CD2AP: variants seen among roughly 807,000 people sequenced by gnomAD.
CD2AP encodes CD2-associated protein.
In CD2AP, 46 loss-of-function variants were observed where a neutral mutation model predicts 85.1. The observed-to-expected ratio is 0.54, with a 90% CI of 0.43 to 0.69. The LOEUF (loss-of-function observed/expected upper bound fraction) is 0.69, where lower values mean the gene tolerates loss of function less well. Ranked by LOEUF, CD2AP falls within the 30% of genes least tolerant of loss-of-function variation. CD2AP has a pLI of 0.00. For synonymous variants in CD2AP, 255 were observed against 252.9 expected (o/e 1.01, Z -0.08); for missense variants, 769 against 729.5 (o/e 1.05, Z -0.62).
At chr6:47,489,921 A>G (rs979479768) in intron 1 of CD2AP, among the ~76,000 whole-genome samples, 1 of 152,038 alleles carries the variant, frequency 6.6e-6, no homozygotes, top group Non-Finnish European at 1.5e-5. Context: ...ATCTTCTAAA[A>G]ACTGTGGATT....
intron 1 of CD2AP, among the ~76,000 whole-genome samples, chr6:47,486,207 C>A (rs1379264812): frequency 1.3e-5 from 2 of 152,064 alleles, no homozygotes; most frequent in Non-Finnish European, 2.9e-5. Flanking sequence ...AGTTTTGGTG[C>A]CTTGAGTAGT....
chr6:47,525,411 A>C (rs1027512257), intron 2 of CD2AP, among the ~76,000 whole-genome samples: 6 of 152,260 alleles, frequency 3.9e-5, no homozygotes, highest in Admixed American at 1.3e-4. Flanking sequence ...TTTGGTGACT[A>C]GGTAACCTGC....
Position 47,606,274 on chromosome 6 carries a change from T to C in CD2AP, c.1527T>C (p.His509=), listed in dbSNP as rs776641440. 2.0e-6 allele frequency: 3 copies of C among 1,534,848 alleles called. No individual in the cohort carries two copies. Among genetic ancestry groups the C allele is most frequent in the African/African-American group, 2.7e-5 (2 of 73,298 alleles). Reference sequence around the variant, plus strand: ...TGCCGGGCCGTTTCAATGGTGGACATTCTGTGAGTTCATCTAATTGTCGTA... The same window carrying C: ...TGCCGGGCCGTTTCAATGGTGGACACTCTGTGAGTTCATCTAATTGTCGTA... ...RRLPGRFNGG[H]SPTHSPEKIL... is the part of the protein sequence containing the mutation. Residue 509 remains histidine (H), a synonymous_variant, in exon 14 of 18, where the codon CAT becomes CAC. Transcript: ENST00000359314.
intron 8 of CD2AP, 146 bp from the exon 9 acceptor site, chr6:47,579,239 T>A (rs918048154): frequency 1.3e-5 from 8 of 615,552 alleles, no homozygotes; most frequent in Non-Finnish European, 1.7e-5. Context: ...GGAGGCTGAG[T>A]TGGGAGGATC....
chr6:47,529,192 C>A (rs957814843), intron 2 of CD2AP, among the ~76,000 whole-genome samples: 18 of 114,516 alleles, frequency 1.6e-4, no homozygotes, highest in Non-Finnish European at 2.6e-4. Flanking sequence ...TGCCCCCCCC[C>A]CCCCCCCCAA....
At chr6:47,602,937 A>T (rs577997907) in intron 13 of CD2AP, among the ~76,000 whole-genome samples, 1 of 152,006 alleles carries the variant, frequency 6.6e-6, no homozygotes, top group East Asian at 1.9e-4. Flanking sequence ...AAAGAAACAC[A>T]TTATTCGATG....
At chr6:47,480,450 G>T (rs1030748219) in intron 1 of CD2AP, among the ~76,000 whole-genome samples, 1 of 152,124 alleles carries the variant, frequency 6.6e-6, no homozygotes, top group Non-Finnish European at 1.5e-5. Context: ...CCTATTAAAT[G>T]GTGGTTCTTA....
In CD2AP at chr6:47,577,079, G is replaced by A; in HGVS notation, c.879G>A (p.Gly293=). Residue 293 remains glycine, a synonymous_variant, in exon 8 of 18, where the codon GGG becomes GGA. Coordinates refer to ENST00000359314, the MANE Select transcript of CD2AP (RefSeq NM_012120.3). ...TNEDELTFKE[G]EIIHLISKET... is the part of the protein sequence containing the mutation. The stretch of plus-strand genomic sequence containing the variant: ...AAGATGAACTTACTTTTAAAGAGGG[G>A]GAGATAATCCATTTGATAAGTAAGG... The A allele has an allele frequency of 6.6e-7, 1 of 1,522,610 alleles. No homozygotes were observed. Among genetic ancestry groups the A allele is most frequent in the Non-Finnish European group, 9.1e-7 (1 of 1,097,166 alleles). The allele number at this position is 1,522,610 out of a possible 1,614,324, so 94.3% of individuals were successfully genotyped here.
At chr6:47,520,215 G>A (rs1766550024) in intron 2 of CD2AP, among the ~76,000 whole-genome samples, 1 of 152,084 alleles carries the variant, frequency 6.6e-6, no homozygotes, top group South Asian at 2.1e-4. Flanking sequence ...CATCTCTGGG[G>A]CCTCGTTATT....
chr6:47,600,675 TATTA>T (rs1240638326), intron 13 of CD2AP, among the ~76,000 whole-genome samples: 2 of 151,986 alleles, frequency 1.3e-5, no homozygotes, highest in Non-Finnish European at 2.9e-5. Flanking sequence ...AAATTATCCT[TATTA>T]ATTGTTTGAT....
intron 5 of CD2AP, among the ~76,000 whole-genome samples, chr6:47,566,323 T>TATATATATACACACACAC: frequency 9.2e-6 from 1 of 108,456 alleles, no homozygotes. Context: ...TATATATATA[T>TATATATATACACACACAC]ACACATACAC....
intron 5 of CD2AP, among the ~76,000 whole-genome samples, chr6:47,570,328 T>G (rs1374783072): frequency 1.3e-5 from 2 of 152,178 alleles, no homozygotes; most frequent in African/African-American, 4.8e-5. Flanking sequence ...ATAGACAGAT[T>G]TGCTGTTTGT....
chr6:47,533,426 T>C (rs151119697), intron 2 of CD2AP, among the ~76,000 whole-genome samples, 176 bp from the exon 3 acceptor site: 1 of 152,322 alleles, frequency 6.6e-6, no homozygotes, highest in East Asian at 1.9e-4. Flanking sequence ...CATGAGTCAC[T>C]GTTACCAAAA....
At chr6:47,556,175 T>A (rs1767680501) in intron 5 of CD2AP, among the ~76,000 whole-genome samples, 1 of 151,724 alleles carries the variant, frequency 6.6e-6, no homozygotes, top group Non-Finnish European at 1.5e-5. Context: ...TCATCTACAT[T>A]AGGTATTTCT....
At chr6:47,560,801 T>C (rs1006393289) in intron 5 of CD2AP, among the ~76,000 whole-genome samples, 1 of 152,210 alleles carries the variant, frequency 6.6e-6, no homozygotes, top group African/African-American at 2.4e-5. Context: ...ACTTTGAGAC[T>C]ATGTAAATAT....
At chr6:47,515,898 C>T (rs750019442) in intron 2 of CD2AP, among the ~76,000 whole-genome samples, 1 of 149,872 alleles carries the variant, frequency 6.7e-6, no homozygotes, top group Non-Finnish European at 1.5e-5. Context: ...AGACACTTGA[C>T]GTAAAGGAAA....
chr6:47,519,431 G>A (rs1766528990), intron 2 of CD2AP, among the ~76,000 whole-genome samples: 1 of 152,196 alleles, frequency 6.6e-6, no homozygotes, highest in Admixed American at 6.5e-5. Context: ...CATTGTGACA[G>A]GAGTACGGCC....
At chr6:47,577,180 A>G in intron 8 of CD2AP, 77 bp downstream of exon 8, 1 of 809,748 alleles carries the variant, frequency 1.2e-6, no homozygotes, top group Non-Finnish European at 2.2e-6. Flanking sequence ...CATTCACCCT[A>G]GAGTGTTCTT....
At chr6:47,595,325 C>A (rs1019355359) in intron 11 of CD2AP, among the ~76,000 whole-genome samples, 1 of 151,928 alleles carries the variant, frequency 6.6e-6, no homozygotes, top group Non-Finnish European at 1.5e-5. Context: ...CTAAGAATTA[C>A]AAATATAAGC....
Sources: allele counts gnomAD v4.1 joint callset (sites outside exome capture counted in the v4.1 genomes callset), GRCh38; gene constraint gnomAD v4.1.1; transcripts MANE v1.5; gene names NCBI Gene and HGNC (gene_info 2026-07-23, HGNC 2026-07-21).